The following IGSF21 variants were observed in gnomAD, a reference collection of about 807,000 sequenced individuals.
IGSF21 encodes the protein immunoglobin superfamily member 21.
In IGSF21, 28 loss-of-function variants were observed where a neutral mutation model predicts 46.8. That is an observed-to-expected ratio of 0.60 (90% CI 0.44 to 0.82). The LOEUF is 0.82. Ranked by LOEUF, IGSF21 falls within the 40% of genes least tolerant of loss-of-function variation. The pLI, the probability that IGSF21 is intolerant of heterozygous loss-of-function variation, is 0.00. For synonymous variants in IGSF21, 284 were observed against 273.6 expected (o/e 1.04, Z -0.38); for missense variants, 624 against 665.5 (o/e 0.94, Z 0.69).
chr1:18,279,667 C>T (rs1195456881), intron 2 of IGSF21, among the ~76,000 whole-genome samples: 3 of 152,238 alleles, frequency 2.0e-5, no homozygotes, highest in Non-Finnish European at 2.9e-5. Context: ...TGTTCTTCCT[C>T]TCCAACTGGC....
intron 3 of IGSF21, among the ~76,000 whole-genome samples, chr1:18,330,087 C>T (rs936721706): frequency 2.6e-5 from 4 of 152,226 alleles, no homozygotes. Flanking sequence ...CCTCCTCACC[C>T]TCACCCCCCT....
chr1:18,177,873 G>T (rs949091643), intron 1 of IGSF21, among the ~76,000 whole-genome samples: 30 of 152,076 alleles, frequency 2.0e-4, no homozygotes, highest in African/African-American at 7.0e-4. Context: ...GATGAATTTG[G>T]ATCTCCTAGG....
At chr1:18,260,350 C>T (rs963345118) in intron 2 of IGSF21, among the ~76,000 whole-genome samples, 1 of 152,208 alleles carries the variant, frequency 6.6e-6, no homozygotes, top group African/African-American at 2.4e-5. Flanking sequence ...GGTGGGGGAG[C>T]CCCAAAATTG....
chr1:18,169,401 C>T (rs1028690697), intron 1 of IGSF21, among the ~76,000 whole-genome samples: 3 of 152,202 alleles, frequency 2.0e-5, no homozygotes, highest in Non-Finnish European at 4.4e-5. Context: ...TCCACCATTC[C>T]TCTAACCCCC....
At chr1:18,187,858 C>G (rs935460786) in intron 1 of IGSF21, among the ~76,000 whole-genome samples, 8 of 152,180 alleles carry the variant, frequency 5.3e-5, no homozygotes, top group Non-Finnish European at 1.0e-4. Context: ...ACCACTGATT[C>G]TGAGCACAGT....
At chr1:18,313,140 G>A (rs898087397) in intron 3 of IGSF21, among the ~76,000 whole-genome samples, 1 of 152,166 alleles carries the variant, frequency 6.6e-6, no homozygotes, top group Non-Finnish European at 1.5e-5. Context: ...GGTGAGGACA[G>A]GGCCCCAGCA....
chr1:18,258,021 T>A (rs1557610894), intron 2 of IGSF21, among the ~76,000 whole-genome samples: 1 of 152,218 alleles, frequency 6.6e-6, no homozygotes, highest in Non-Finnish European at 1.5e-5. Context: ...TTGTAAATCA[T>A]CCTGTCAGGT....
chr1:18,273,415 T>TTTC (rs2085064782), intron 2 of IGSF21, among the ~76,000 whole-genome samples: 1 of 84,968 alleles, frequency 1.2e-5, no homozygotes, highest in Non-Finnish European at 2.4e-5. Flanking sequence ...CTTTCCTTTC[T>TTTC]TTTCCTTTCC....
intron 4 of IGSF21, among the ~76,000 whole-genome samples, chr1:18,339,250 G>A (rs566588151): frequency 1.7e-4 from 26 of 152,200 alleles, no homozygotes; most frequent in Non-Finnish European, 2.4e-4. Flanking sequence ...GGGCAGGAGC[G>A]GGGCGTCCCA....
At chr1:18,367,461 G>A (rs1250019260) in intron 6 of IGSF21, among the ~76,000 whole-genome samples, 1 of 152,090 alleles carries the variant, frequency 6.6e-6, no homozygotes, top group Non-Finnish European at 1.5e-5. Context: ...GAAATTTCAA[G>A]CCAAGTTTAT....
chr1:18,286,566 G>A (rs968586439), intron 2 of IGSF21, among the ~76,000 whole-genome samples: 3 of 152,210 alleles, frequency 2.0e-5, no homozygotes. Flanking sequence ...AATGCTGGGA[G>A]CTTTAAGAAA....
chr1:18,239,314 A>G (rs540506498), intron 2 of IGSF21, among the ~76,000 whole-genome samples: 1 of 151,914 alleles, frequency 6.6e-6, no homozygotes, highest in Admixed American at 6.5e-5. Context: ...TCCCTCCTAA[A>G]TCCTTTCTCC....
intron 1 of IGSF21, among the ~76,000 whole-genome samples, chr1:18,119,854 C>G (rs1322925847): frequency 1.3e-5 from 2 of 151,798 alleles, no homozygotes; most frequent in Admixed American, 6.6e-5. Flanking sequence ...TTTAAATTCT[C>G]CCTCTTTTAA....
chr1:18,112,438 C>T (rs997754834), intron 1 of IGSF21: 24 of 152,144 alleles, frequency 1.6e-4, no homozygotes, highest in African/African-American at 4.6e-4. Context: ...CTAGGTGTCA[C>T]GCCATGTGCT....
chr1:18,232,570 G>A (rs752813228), intron 2 of IGSF21, among the ~76,000 whole-genome samples: 6 of 152,086 alleles, frequency 3.9e-5, no homozygotes, highest in South Asian at 2.1e-4. Flanking sequence ...ACTGTGTCTC[G>A]GGTCATGTTG....
At chr1:18,122,365 AT>A (rs1490944543) in intron 1 of IGSF21, among the ~76,000 whole-genome samples, 4 of 149,098 alleles carry the variant, frequency 2.7e-5, no homozygotes, top group Non-Finnish European at 5.9e-5. Flanking sequence ...TAATTTTTGT[AT>A]TTTTCATAGA....
At chr1:18,264,933 C>A (rs532584626) in intron 2 of IGSF21, among the ~76,000 whole-genome samples, 6 of 152,302 alleles carry the variant, frequency 3.9e-5, no homozygotes, top group Admixed American at 3.9e-4. Context: ...TCAGGGCCAC[C>A]ACACCGTGCC....
chr1:18,271,062 G>T (rs1393151736), intron 2 of IGSF21, among the ~76,000 whole-genome samples: 1 of 152,216 alleles, frequency 6.6e-6, no homozygotes, highest in Non-Finnish European at 1.5e-5. Context: ...ATTAGAAGGT[G>T]TCCTAATAGC....
intron 4 of IGSF21, among the ~76,000 whole-genome samples, chr1:18,358,551 TCTC>T (rs1447114783): frequency 1.3e-5 from 2 of 152,222 alleles, no homozygotes; most frequent in Non-Finnish European, 1.5e-5. Flanking sequence ...CATTTTCTGA[TCTC>T]CTCACTAAAC....
Sources: allele counts gnomAD v4.1 joint callset (sites outside exome capture counted in the v4.1 genomes callset), GRCh38; gene constraint gnomAD v4.1.1; transcripts MANE v1.5; gene names NCBI Gene and HGNC (gene_info 2026-07-23, HGNC 2026-07-21).